The following NRXN3 variants were observed in gnomAD, a reference collection of about 807,000 sequenced individuals.
NRXN3 encodes neurexin III.
A neutral mutation model predicts 137.6 loss-of-function variants in NRXN3; 32 were observed. That is an observed-to-expected ratio of 0.23 (90% CI 0.18 to 0.31). The LOEUF is 0.31. NRXN3 is among the 10% of genes least tolerant of loss of function. NRXN3 has a pLI of 1.00. For missense variants in NRXN3, 1,574 were observed against 2,062.5 expected, an observed-to-expected ratio of 0.76 and a Z score of 4.59; for synonymous variants, 798 against 784.5, an observed-to-expected ratio of 1.02 and a Z score of -0.29.
intron 15 of NRXN3, among the ~76,000 whole-genome samples, chr14:79,360,108 G>A (rs2093631525): frequency 6.6e-6 from 1 of 152,124 alleles, no homozygotes; most frequent in Non-Finnish European, 1.5e-5. Context: ...TTAACTTGAG[G>A]CCACAAATCA....
Position 78,215,791 on chromosome 14 carries a change from T to G in NRXN3, c.-703-26600T>G, listed in dbSNP as rs1452293432. On this transcript the variant is annotated intron_variant, in intron 1 of 20. Transcript: ENST00000335750. The stretch of plus-strand genomic sequence containing the variant: ...GGGGGTGGGGGGGGCAGGGGTTAGT[T>G]TGTGCACCTAGGTGGCCACTCTTTG... 8.7e-5 allele frequency among the ~76,000 whole-genome samples: 13 copies of G among 149,664 alleles called. No individual in the cohort carries two copies. The East Asian group carries it at 2.3e-3, about 26-fold the overall frequency.
At chr14:79,484,314 G>A (rs1408805982) in intron 16 of NRXN3, among the ~76,000 whole-genome samples, 1 of 152,006 alleles carries the variant, frequency 6.6e-6, no homozygotes, top group Non-Finnish European at 1.5e-5. Context: ...TCCCTTCCTG[G>A]TTCCTGATCT....
At chr14:79,546,810 G>A (rs961542542) in intron 16 of NRXN3, among the ~76,000 whole-genome samples, 15 of 152,108 alleles carry the variant, frequency 9.9e-5, no homozygotes, top group Non-Finnish European at 1.5e-4. Context: ...AAGCCTGACA[G>A]GTTGTGTGTT....
intron 4 of NRXN3, among the ~76,000 whole-genome samples, chr14:78,318,380 C>G (rs1005606392): frequency 4.6e-5 from 7 of 152,186 alleles, no homozygotes; most frequent in Non-Finnish European, 1.0e-4. Flanking sequence ...CTGCCTTGAT[C>G]TCAGGCCTCC....
At position 78,555,461 on chromosome 14, in the gene NRXN3, C is replaced by T. The variant is rs112318139; in HGVS notation, c.758-89659C>T. Reference sequence around the variant, plus strand: ...TTGTTTCTATGCAAACATGTTCATACTCTTCCTTAGCATGTTTCATCCTAT... The same window carrying T: ...TTGTTTCTATGCAAACATGTTCATATTCTTCCTTAGCATGTTTCATCCTAT... On this transcript the variant is annotated intron_variant, in intron 4 of 20. Transcript: ENST00000335750. Among the ~76,000 whole-genome samples, 81 of 152,308 alleles carry T rather than the reference C, an allele frequency of 5.3e-4. 1 individual carries two copies. The highest frequency in any genetic ancestry group is 1.8e-3 in the African/African-American group (75 of 41,566).
chr14:78,295,330 A>G (rs1367121149), intron 3 of NRXN3, among the ~76,000 whole-genome samples: 2 of 152,128 alleles, frequency 1.3e-5, no homozygotes, highest in East Asian at 3.8e-4. Flanking sequence ...TTTCTGGCCT[A>G]GTATTTCTAT....
intron 20 of NRXN3, among the ~76,000 whole-genome samples, chr14:79,819,564 A>G (rs369624709): frequency 5.8e-4 from 77 of 133,630 alleles, no homozygotes; most frequent in African/African-American, 2.1e-3. Context: ...GGCTCACTAC[A>G]ACCTCCGCCT....
chr14:78,209,552 G>A (rs1215962334), intron 1 of NRXN3, among the ~76,000 whole-genome samples: 1 of 152,190 alleles, frequency 6.6e-6, no homozygotes, highest in African/African-American at 2.4e-5. Flanking sequence ...AAGGGGAAGA[G>A]GCACATTTTA....
chr14:79,021,535 C>T (rs755289750), intron 15 of NRXN3, among the ~76,000 whole-genome samples: 1 of 152,096 alleles, frequency 6.6e-6, no homozygotes, highest in Non-Finnish European at 1.5e-5. Flanking sequence ...TGGAGAGTGC[C>T]AGGCACTTCA....
chr14:78,890,276 A>G (rs924365282), intron 10 of NRXN3, among the ~76,000 whole-genome samples: 4 of 152,152 alleles, frequency 2.6e-5, no homozygotes, highest in Non-Finnish European at 5.9e-5. Flanking sequence ...GTGGAAATTT[A>G]GTATAAAAAA....
At chr14:78,724,986 A>C (rs969366308) in intron 8 of NRXN3, among the ~76,000 whole-genome samples, 2 of 152,196 alleles carry the variant, frequency 1.3e-5, no homozygotes, top group Non-Finnish European at 2.9e-5. Flanking sequence ...AGGTAGATGC[A>C]GTCTTTCTTG....
chr14:79,489,618 C>T (rs1046801085), intron 16 of NRXN3, among the ~76,000 whole-genome samples: 11 of 152,102 alleles, frequency 7.2e-5, no homozygotes, highest in African/African-American at 1.4e-4. Context: ...TGGATTTCCT[C>T]TTTATTATAT....
chr14:78,307,306 C>T (rs1464673273), intron 4 of NRXN3, among the ~76,000 whole-genome samples: 2 of 151,902 alleles, frequency 1.3e-5, no homozygotes, highest in African/African-American at 4.8e-5. Context: ...TCTGCCATTA[C>T]TTCTTTTTCT....
chr14:78,854,871 A>G (rs2099052533), intron 10 of NRXN3, among the ~76,000 whole-genome samples: 1 of 152,138 alleles, frequency 6.6e-6, no homozygotes, highest in South Asian at 2.1e-4. Flanking sequence ...AGAAATCGAG[A>G]CCATCCAGGG....
At chr14:79,244,414 C>CCTT (rs1351839944) in intron 15 of NRXN3, among the ~76,000 whole-genome samples, 11 of 152,134 alleles carry the variant, frequency 7.2e-5, no homozygotes, top group African/African-American at 2.2e-4. Context: ...CCTGCCACAG[C>CCTT]CTTATGGAAA....
At chr14:78,196,729 A>C (rs2061264395) in intron 1 of NRXN3, among the ~76,000 whole-genome samples, 1 of 152,238 alleles carries the variant, frequency 6.6e-6, no homozygotes, top group African/African-American at 2.4e-5. Context: ...AAATACAAAT[A>C]GGGATGAAGA....
chr14:78,403,646 G>C (rs1371675726), intron 4 of NRXN3: 1 of 893,608 alleles, frequency 1.1e-6, no homozygotes. Flanking sequence ...TTTGAAGGGT[G>C]AGAGAGTTGC....
At chr14:78,907,723 G>A (rs1047059967) in intron 10 of NRXN3, among the ~76,000 whole-genome samples, 4 of 151,908 alleles carry the variant, frequency 2.6e-5, no homozygotes, top group African/African-American at 9.7e-5. Flanking sequence ...TTGTTGTACC[G>A]ATTATTTTAT....
In NRXN3 at chr14:78,851,022, G is replaced by A. The variant is rs151128664; in HGVS notation, c.2275+40678G>A. On this transcript the variant is annotated intron_variant, in intron 10 of 20. Coordinates refer to ENST00000335750, the MANE Select transcript of NRXN3 (RefSeq NM_001330195.2). ...TTATTCTCTTTTTGAGCTGAATTAT[G>A]CAGGACTAAACAGATATCTTTTGTA... Among the ~76,000 whole-genome samples the A allele has an allele frequency of 6.2e-3, 942 of 152,220 alleles. 7 individuals carry two copies. The highest frequency in any genetic ancestry group is 0.022 in the African/African-American group (915 of 41,538).
Sources: allele counts gnomAD v4.1 joint callset (sites outside exome capture counted in the v4.1 genomes callset), GRCh38; gene constraint gnomAD v4.1.1; transcripts MANE v1.5; gene names NCBI Gene and HGNC (gene_info 2026-07-23, HGNC 2026-07-21).